SP100: variants seen among roughly 807,000 people sequenced by gnomAD.
The protein encoded by SP100 is nuclear autoantigen Sp-100.
SP100 carries 84 observed loss-of-function variants against 130.0 expected under a neutral mutation model. The observed-to-expected ratio is 0.65, with a 90% CI of 0.54 to 0.77. The LOEUF (loss-of-function observed/expected upper bound fraction) is 0.77, where lower values mean the gene tolerates loss of function less well. SP100 is among the 30% of genes least tolerant of loss of function. The probability of loss-of-function intolerance (pLI) is 0.00; values close to 1 mark genes in which losing one functional copy is unlikely to be tolerated. For synonymous variants in SP100, 331 were observed against 351.7 expected (o/e 0.94, Z 0.66); for missense variants, 978 against 1,052.2 (o/e 0.93, Z 0.97).
intron 17 of SP100, among the ~76,000 whole-genome samples, chr2:230,486,940 T>C (rs2066134163): frequency 6.6e-6 from 1 of 152,244 alleles, no homozygotes; most frequent in African/African-American, 2.4e-5. Flanking sequence ...GATGTTGAGC[T>C]TGTTTTCATG....
chr2:230,464,119 A>C lies in SP100; in HGVS notation c.1110A>C (p.Glu370Asp), dbSNP rs1385809302. The C allele has an allele frequency of 5.0e-6, 8 of 1,612,916 alleles. No individual in the cohort carries two copies. Among genetic ancestry groups the C allele is most frequent in the Non-Finnish European group, 6.8e-6 (8 of 1,179,024 alleles). Residue 370 changes from glutamate to aspartate, a missense_variant, in exon 11 of 29, where the codon GAA becomes GAC. Glu to Asp is a conservative substitution (Grantham distance 45). Coordinates refer to ENST00000340126, the MANE Select transcript of SP100 (RefSeq NM_001080391.2). ...LESNDEKEGQEATCSRPQIVP... is the reference protein window; with the variant it reads ...LESNDEKEGQDATCSRPQIVP... ...CAAATGATGAAAAGGAGGGCCAAGA[A>C]GCCACTTGCTCACGACCCCAGATTG...
rs1690102722 is a variant in SP100 at position 230,506,306 on chromosome 2, C to T, written c.1874C>T (p.Thr625Ile). 6 of 1,613,640 alleles carry T rather than the reference C, an allele frequency of 3.7e-6. No individual in the cohort carries two copies. Among genetic ancestry groups the T allele is most frequent in the Non-Finnish European group, 5.1e-6 (6 of 1,179,658 alleles). ...TLYKERFKQG[T>I]SKKCIQSEDK... ...TCACTTTGCCTTGGTCTTACAGGAA[C>T]CTCAAAGAAGTGTATACAGAGTGAG... is the stretch of plus-strand genomic sequence containing the variant. Residue 625 changes from threonine to isoleucine, a missense_variant, in exon 22 of 29, where the codon ACC becomes ATC. By Grantham distance (89) the Thr-to-Ile change is moderately conservative (BLOSUM62 -1). Transcript: ENST00000340126.
At chr2:230,494,509 T>A in intron 18 of SP100, 49 bp downstream of exon 18, 1 of 1,422,526 alleles carries the variant, frequency 7.0e-7, no homozygotes, top group Non-Finnish European at 9.9e-7. Context: ...TGTGGTCCTG[T>A]TCTTCCTGCC....
intron 15 of SP100, among the ~76,000 whole-genome samples, chr2:230,472,367 G>A (rs949378388): frequency 1.4e-5 from 2 of 143,294 alleles, no homozygotes; most frequent in Non-Finnish European, 3.0e-5. Flanking sequence ...GGCAGGTCTT[G>A]CAGTGAACCA....
intron 17 of SP100, among the ~76,000 whole-genome samples, chr2:230,487,576 A>G (rs1387983030): frequency 6.6e-6 from 1 of 152,216 alleles, no homozygotes; most frequent in Non-Finnish European, 1.5e-5. Flanking sequence ...TGGTTACTGT[A>G]GCCTTGTAGT....
At chr2:230,436,689 A>G (rs1243666366) in intron 2 of SP100, among the ~76,000 whole-genome samples, 2 of 152,168 alleles carry the variant, frequency 1.3e-5, no homozygotes, top group African/African-American at 4.8e-5. Context: ...GGACTAATAT[A>G]TACTCCTTGG....
intron 17 of SP100, among the ~76,000 whole-genome samples, chr2:230,477,955 A>AAAT (rs1553640132): frequency 6.6e-6 from 1 of 151,528 alleles, no homozygotes; most frequent in Non-Finnish European, 1.5e-5. Flanking sequence ...AAACAAAAAA[A>AAAT]AAAGCATTGA....
chr2:230,442,292 G>A (rs570748124), intron 2 of SP100, among the ~76,000 whole-genome samples: 131 of 152,266 alleles, frequency 8.6e-4, no homozygotes, highest in Non-Finnish European at 1.1e-3. Context: ...AAATTCAGAT[G>A]CCTAAAATGA....
chr2:230,545,499 C>T lies in SP100; in HGVS notation c.*2553C>T, dbSNP rs116792228. 6.7e-3 allele frequency among the ~76,000 whole-genome samples: 1,012 copies of T among 151,998 alleles called. 14 individuals are homozygous for T. Among genetic ancestry groups the T allele is most frequent in the African/African-American group, 0.023 (969 of 41,440 alleles). On this transcript the variant is annotated 3_prime_UTR_variant, in exon 29 of 29. Transcript: ENST00000340126. ...TGATGAAGTACTCTGTACAACAAACCCGTGACAAGAGTTTCCCTATATAAC... is the reference window on the plus strand; with the variant it reads ...TGATGAAGTACTCTGTACAACAAACTCGTGACAAGAGTTTCCCTATATAAC...
At chr2:230,427,873 A>G (rs1334703043) in intron 2 of SP100, among the ~76,000 whole-genome samples, 1 of 152,222 alleles carries the variant, frequency 6.6e-6, no homozygotes, top group Non-Finnish European at 1.5e-5. Context: ...TACAATTTAC[A>G]TACTTTTTAT....
intron 9 of SP100, among the ~76,000 whole-genome samples, chr2:230,461,955 G>GAA (rs370809718): frequency 2.5e-5 from 3 of 119,016 alleles, no homozygotes; most frequent in African/African-American, 9.1e-5. Flanking sequence ...TCTCAAAAAA[G>GAA]AAAAAAAAAA....
chr2:230,481,946 C>T (rs1044347172), intron 17 of SP100, among the ~76,000 whole-genome samples: 2 of 152,110 alleles, frequency 1.3e-5, no homozygotes, highest in African/African-American at 4.8e-5. Flanking sequence ...AGAGGCCTTG[C>T]CTGATCTCCA....
At chr2:230,449,264 C>A (rs1032904322) in intron 6 of SP100, 114 bp downstream of exon 6, 1 of 1,094,098 alleles carries the variant, frequency 9.1e-7, no homozygotes, top group Non-Finnish European at 1.4e-6. Flanking sequence ...GGTTTTACAT[C>A]TACAGTTTTT....
intron 24 of SP100, among the ~76,000 whole-genome samples, chr2:230,523,923 A>T (rs1691291774): frequency 6.6e-6 from 1 of 152,030 alleles, no homozygotes; most frequent in Non-Finnish European, 1.5e-5. Context: ...AAAAAAAATT[A>T]TTGGTAAAAT....
intron 17 of SP100, among the ~76,000 whole-genome samples, chr2:230,492,136 A>G (rs1416236289): frequency 6.6e-6 from 1 of 151,916 alleles, no homozygotes; most frequent in Non-Finnish European, 1.5e-5. Context: ...TTCCTCTCCC[A>G]TCCAATTTTA....
chr2:230,504,302 G>A lies in SP100; in HGVS notation c.1870+12G>A, dbSNP rs775827268. On this transcript the variant is annotated intron_variant, in intron 21 of 28. Coordinates refer to ENST00000340126, the MANE Select transcript of SP100 (RefSeq NM_001080391.2). ...GCGATTCAAACAAGGTGAGTTTACT[G>A]GTCCATCTACGATTTTCAGCTGGAA... The A allele has an allele frequency of 6.8e-7, 1 of 1,461,046 alleles. No homozygotes were observed. The highest frequency in any genetic ancestry group is 9.6e-7 in the Non-Finnish European group (1 of 1,044,786). 90.5% of individuals were successfully genotyped at this position (1,461,046 alleles called of 1,614,324 possible).
At chr2:230,519,738 C>T (rs967367774) in intron 24 of SP100, among the ~76,000 whole-genome samples, 1 of 152,196 alleles carries the variant, frequency 6.6e-6, no homozygotes, top group Non-Finnish European at 1.5e-5. Context: ...TTAGGAGCAT[C>T]TCACTGCTAT....
chr2:230,430,402 T>C (rs1433986667), intron 2 of SP100, among the ~76,000 whole-genome samples: 1 of 152,212 alleles, frequency 6.6e-6, no homozygotes, highest in East Asian at 1.9e-4. Context: ...GAAGACTGTG[T>C]TCCACAGTTG....
chr2:230,447,042 G>A, intron 5 of SP100, 140 bp downstream of exon 5: 1 of 584,432 alleles, frequency 1.7e-6, no homozygotes, highest in Non-Finnish European at 3.1e-6. Flanking sequence ...CTAACCAGGT[G>A]CAGGGTCCTG....
Sources: allele counts gnomAD v4.1 joint callset (sites outside exome capture counted in the v4.1 genomes callset), GRCh38; gene constraint gnomAD v4.1.1; transcripts MANE v1.5; gene names NCBI Gene and HGNC (gene_info 2026-07-23, HGNC 2026-07-21).